SAMD12: variants seen among roughly 807,000 people sequenced by gnomAD.
The protein encoded by SAMD12 is sterile alpha motif domain containing 12, also known as sterile alpha motif domain-containing protein 12.
SAMD12 carries 9 observed loss-of-function variants against 15.0 expected under a neutral mutation model. The observed-to-expected ratio is 0.60, with a 90% CI of 0.36 to 1.05. The LOEUF (loss-of-function observed/expected upper bound fraction) is 1.05, where lower values mean the gene tolerates loss of function less well. Ranked by LOEUF, SAMD12 falls within the 50% of genes least tolerant of loss-of-function variation. The pLI is 0.01. For synonymous variants in SAMD12, 86 were observed against 90.1 expected, an observed-to-expected ratio of 0.96 and a Z score of 0.25; for missense variants, 230 against 234.2, an observed-to-expected ratio of 0.98 and a Z score of 0.12.
chr8:118,347,667 C>G (rs1817730934), intron 4 of SAMD12, among the ~76,000 whole-genome samples: 1 of 152,194 alleles, frequency 6.6e-6, no homozygotes, highest in South Asian at 2.1e-4. Flanking sequence ...AAAAAGAACA[C>G]TTATAACATC....
chr8:118,249,205 G>C (rs914589285), intron 4 of SAMD12, among the ~76,000 whole-genome samples: 3 of 152,058 alleles, frequency 2.0e-5, no homozygotes, highest in Non-Finnish European at 4.4e-5. Context: ...AACTGTGCTT[G>C]CTTACCACAA....
intron 2 of SAMD12, among the ~76,000 whole-genome samples, chr8:118,551,793 G>A (rs1010114247): frequency 6.6e-6 from 1 of 151,110 alleles, no homozygotes; most frequent in South Asian, 2.1e-4. Context: ...GACTAATAAA[G>A]AAAAAAAGAG....
In SAMD12 at chr8:118,439,972, A is replaced by G; in HGVS notation, c.193-11T>C. 6.2e-7 allele frequency: 1 copy of G among 1,613,424 alleles called. No homozygotes were observed. The highest frequency in any genetic ancestry group is 8.5e-7 in the Non-Finnish European group (1 of 1,179,508). On this transcript the variant is annotated splice_polypyrimidine_tract_variant and intron_variant, in intron 2 of 3. Coordinates refer to ENST00000314727, the MANE Select transcript of SAMD12 (RefSeq NM_207506.3). ...CTTCACCGTAGCTGACTATAAATAA[A>G]GAAGGAAGATCTGTCAATGCTGGCC...
rs1211131932 is a variant in SAMD12 at position 118,446,089 on chromosome 8, T to C, written c.193-6128A>G. 2.6e-5 allele frequency among the ~76,000 whole-genome samples: 4 copies of C among 152,208 alleles called. No homozygotes were observed. The East Asian group carries it at 7.7e-4, about 29-fold the overall frequency. On this transcript the variant is annotated intron_variant, in intron 2 of 3. Coordinates refer to ENST00000314727, the MANE Select transcript of SAMD12 (RefSeq NM_207506.3). ...CCAATGTATTCGTTATTTTCCCGTA[T>C]TTGCATAATTTACATAAACAAAAGC...
intron 2 of SAMD12, among the ~76,000 whole-genome samples, chr8:118,505,146 T>G (rs1824887991): frequency 6.6e-6 from 1 of 152,216 alleles, no homozygotes; most frequent in Non-Finnish European, 1.5e-5. Context: ...TGGTTCCAAC[T>G]TCTTCTGTAT....
At chr8:118,527,992 AT>A (rs1825576016) in intron 2 of SAMD12, among the ~76,000 whole-genome samples, 1 of 151,430 alleles carries the variant, frequency 6.6e-6, no homozygotes, top group African/African-American at 2.4e-5. Context: ...TAATCACGTG[AT>A]TTTGGCCTAC....
chr8:118,320,590 TCTCA>T (rs1261727836), intron 4 of SAMD12, among the ~76,000 whole-genome samples: 1 of 146,384 alleles, frequency 6.8e-6, no homozygotes, highest in African/African-American at 2.6e-5. Context: ...CACTGCATGT[TCTCA>T]CTCAGAGGTT....
chr8:118,593,085 C>G (rs1307540821), intron 1 of SAMD12, among the ~76,000 whole-genome samples: 1 of 152,154 alleles, frequency 6.6e-6, no homozygotes, highest in Non-Finnish European at 1.5e-5. Flanking sequence ...TTAACAAACT[C>G]CATCCCTTGT....
the SAMD12 span, among the ~76,000 whole-genome samples, chr8:118,169,483 C>A: frequency 6.6e-6 from 1 of 152,210 alleles, no homozygotes; most frequent in African/African-American, 2.4e-5. Flanking sequence ...GTTGGGGCTA[C>A]ATTTCTTTGT....
chr8:118,591,794 T>C (rs1469590892), intron 1 of SAMD12, among the ~76,000 whole-genome samples: 2 of 152,064 alleles, frequency 1.3e-5, no homozygotes, highest in African/African-American at 4.8e-5. Flanking sequence ...TAGTTTCCAC[T>C]GACAAGCTGA....
chr8:118,267,254 A>G (rs1051653571), intron 4 of SAMD12, among the ~76,000 whole-genome samples: 2 of 152,144 alleles, frequency 1.3e-5, no homozygotes, highest in Admixed American at 6.6e-5. Context: ...TACCCTATTC[A>G]TTTTGAAGAA....
chr8:118,532,577 T>C (rs1825721112), intron 2 of SAMD12, among the ~76,000 whole-genome samples: 1 of 152,162 alleles, frequency 6.6e-6, no homozygotes, highest in Non-Finnish European at 1.5e-5. Flanking sequence ...CTGGACTGTT[T>C]TTGGTTCGTA....
Position 118,346,068 on chromosome 8 carries a change from A to C in SAMD12, c.433+33492T>G, listed in dbSNP as rs928905169. 7.2e-5 allele frequency among the ~76,000 whole-genome samples: 11 copies of C among 152,352 alleles called. No individual in the cohort carries two copies. In the East Asian group the frequency reaches 1.9e-3, roughly 27 times the overall value. ...TCTGTTTATTCTGTAAAATGAACTC[A>C]GGGAAATCATAATTATCGAGGGATG... On this transcript the variant is annotated intron_variant, in intron 4 of 4. Coordinates refer to the SAMD12 transcript ENST00000409003.
chr8:118,176,207 A>T, the SAMD12 span, among the ~76,000 whole-genome samples: 1 of 152,202 alleles, frequency 6.6e-6, no homozygotes, highest in Non-Finnish European at 1.5e-5. Flanking sequence ...AGACTGAGGC[A>T]GGAGAATTGC....
At chr8:118,414,619 G>A (rs1222325259) in intron 3 of SAMD12, among the ~76,000 whole-genome samples, 1 of 152,138 alleles carries the variant, frequency 6.6e-6, no homozygotes, top group African/African-American at 2.4e-5. Context: ...GTGATGAAGG[G>A]GAAGAGTTTG....
At chr8:118,157,910 G>C in the SAMD12 span, among the ~76,000 whole-genome samples, 1 of 152,236 alleles carries the variant, frequency 6.6e-6, no homozygotes, top group African/African-American at 2.4e-5. Flanking sequence ...TTCCTAGAGA[G>C]ATAGGAAACA....
Position 118,536,155 on chromosome 8 carries a change from T to C in SAMD12, c.192+44560A>G, listed in dbSNP as rs530870414. Among the ~76,000 whole-genome samples, 114 of 152,320 alleles carry C rather than the reference T, an allele frequency of 7.5e-4. 3 individuals are homozygous for C. The South Asian group carries it at 0.023, about 31-fold the overall frequency. On this transcript the variant is annotated intron_variant, in intron 2 of 3. Transcript: ENST00000314727. ...GTTTCCATTCCACTAGTGATTATCC[T>C]GGTAACCATGCTAATTTTCTATTAG...
chr8:118,572,858 C>T (rs1298457293), intron 2 of SAMD12, among the ~76,000 whole-genome samples: 1 of 151,698 alleles, frequency 6.6e-6, no homozygotes, highest in Non-Finnish European at 1.5e-5. Context: ...AATTGTAATC[C>T]CCATAATCCC....
intron 4 of SAMD12, among the ~76,000 whole-genome samples, chr8:118,242,541 T>G: frequency 6.6e-6 from 1 of 152,310 alleles, no homozygotes; most frequent in African/African-American, 2.4e-5. Context: ...AATCTTTTAC[T>G]ATGCTAAACT....
Sources: allele counts gnomAD v4.1 joint callset (sites outside exome capture counted in the v4.1 genomes callset), GRCh38; gene constraint gnomAD v4.1.1; transcripts MANE v1.5; gene names NCBI Gene and HGNC (gene_info 2026-07-23, HGNC 2026-07-21).